Variants in UBR3 observed in about 807,000 individuals in gnomAD.
The protein encoded by UBR3 is E3 ubiquitin-protein ligase UBR3.
Under a neutral mutation model 243.2 loss-of-function variants are expected in UBR3, and 85 were observed. That is an observed-to-expected ratio of 0.35 (90% CI 0.29 to 0.42). UBR3 has a LOEUF of 0.42. Among genes scored for constraint, UBR3 ranks in the 10% least tolerant of loss-of-function variants. The pLI, the probability that UBR3 is intolerant of heterozygous loss-of-function variation, is 1.00. For missense variants in UBR3, 1,686 were observed against 2,300.8 expected, an observed-to-expected ratio of 0.73 and a Z score of 5.47; for synonymous variants, 748 against 799.8, an observed-to-expected ratio of 0.94 and a Z score of 1.09.
rs186183377 is a variant in UBR3, at chr2:169,876,185, G to A, written c.844+236G>A. On this transcript the variant is annotated intron_variant, in intron 3 of 38. Coordinates refer to ENST00000272793, the MANE Select transcript of UBR3 (RefSeq NM_172070.4). The stretch of plus-strand genomic sequence containing the variant: ...TGCAAGCTCCGCCTCCTGGGTTCAC[G>A]CCATTCTGCCTCAGCCTCCCGAGTA... Among the ~76,000 whole-genome samples, 607 of 150,296 alleles carry A rather than the reference G, an allele frequency of 4.0e-3. 3 individuals are homozygous for A. Among genetic ancestry groups the A allele is most frequent in the African/African-American group, 0.014 (566 of 40,944 alleles).
At chr2:170,075,913 GAAA>G (rs35290980) in intron 36 of UBR3, among the ~76,000 whole-genome samples, 1 of 137,362 alleles carries the variant, frequency 7.3e-6, no homozygotes, top group Non-Finnish European at 1.6e-5. Flanking sequence ...AACTATGACA[GAAA>G]AAAAAAAAAA....
At chr2:169,876,102 G>A (rs1036640411) in intron 3 of UBR3, among the ~76,000 whole-genome samples, 153 bp downstream of exon 3, 1 of 64,726 alleles carries the variant, frequency 1.5e-5, no homozygotes, top group Non-Finnish European at 3.1e-5. Context: ...TTTTTTTTTT[G>A]AGACGGAGTC....
chr2:169,905,078 T>G, intron 8 of UBR3, 36 bp from the exon 9 acceptor site: 2 of 1,419,044 alleles, frequency 1.4e-6, no homozygotes, highest in Non-Finnish European at 1.8e-6. Flanking sequence ...TAAAAAAATC[T>G]TATGAAATTT....
At chr2:169,967,238 C>CT (rs2087856790) in intron 24 of UBR3, among the ~76,000 whole-genome samples, 1 of 131,700 alleles carries the variant, frequency 7.6e-6, no homozygotes, top group Non-Finnish European at 1.7e-5. Flanking sequence ...ATGCCCCCCC[C>CT]ACCCCCCTAC....
chr2:170,012,204 T>C (rs1319170567), intron 29 of UBR3, among the ~76,000 whole-genome samples: 1 of 152,210 alleles, frequency 6.6e-6, no homozygotes, highest in East Asian at 1.9e-4. Context: ...AAAAAATTCT[T>C]TCCTAAAACA....
intron 36 of UBR3, chr2:170,077,844 C>G (rs962054755): frequency 3.2e-6 from 1 of 312,542 alleles, no homozygotes; most frequent in African/African-American, 2.2e-5. Context: ...CCTTGGCCTC[C>G]CAAAGTTCTG....
intron 5 of UBR3, among the ~76,000 whole-genome samples, chr2:169,887,491 G>A (rs915765587): frequency 1.3e-5 from 2 of 152,034 alleles, no homozygotes; most frequent in Non-Finnish European, 2.9e-5. Context: ...CTCTACTTTT[G>A]GGAGTTATTT....
At chr2:170,066,966 A>AAAT (rs6147024) in intron 35 of UBR3, among the ~76,000 whole-genome samples, 3,766 of 102,522 alleles carry the variant, frequency 0.037, 165 homozygotes, top group African/African-American at 0.095. Context: ...TCCGTCTCTA[A>AAAT]AATAATAATA....
intron 24 of UBR3, among the ~76,000 whole-genome samples, chr2:169,980,146 A>G (rs1306319637): frequency 6.6e-6 from 1 of 152,232 alleles, no homozygotes; most frequent in Non-Finnish European, 1.5e-5. Flanking sequence ...CTATACGTAT[A>G]TACTGAGGTT....
chr2:169,936,376 A>T (rs891136917), intron 19 of UBR3, among the ~76,000 whole-genome samples: 1 of 152,094 alleles, frequency 6.6e-6, no homozygotes, highest in Non-Finnish European at 1.5e-5. Flanking sequence ...CAATTTTTTT[A>T]AATGCAAAGT....
intron 11 of UBR3, among the ~76,000 whole-genome samples, chr2:169,915,780 G>A (rs1342405929): frequency 2.6e-5 from 4 of 152,042 alleles, no homozygotes; most frequent in Non-Finnish European, 5.9e-5. Context: ...AAAGTATTTT[G>A]TGATCCAGTT....
chr2:169,900,938 C>T (rs2084797759), intron 8 of UBR3, among the ~76,000 whole-genome samples: 1 of 152,060 alleles, frequency 6.6e-6, no homozygotes, highest in Non-Finnish European at 1.5e-5. Context: ...AATACAATTT[C>T]TTTTACACTC....
intron 5 of UBR3, among the ~76,000 whole-genome samples, chr2:169,881,984 T>C (rs1258652952): frequency 8.7e-6 from 1 of 114,638 alleles, no homozygotes; most frequent in Non-Finnish European, 1.8e-5. Flanking sequence ...ATATTATATA[T>C]GTATATGTAT....
At chr2:169,829,321 A>T (rs990366185) in intron 1 of UBR3, among the ~76,000 whole-genome samples, 22 of 152,024 alleles carry the variant, frequency 1.4e-4, no homozygotes, top group African/African-American at 5.1e-4. Context: ...TAGAGGAGGG[A>T]GATGAGGTTT....
chr2:169,944,347 A>G (rs1003084879), intron 20 of UBR3, among the ~76,000 whole-genome samples: 1 of 152,322 alleles, frequency 6.6e-6, no homozygotes, highest in East Asian at 1.9e-4. Context: ...ATAATTAATA[A>G]GTGACAAGTA....
chr2:169,903,792 G>C (rs1055579230), intron 8 of UBR3, among the ~76,000 whole-genome samples: 13 of 152,072 alleles, frequency 8.5e-5, no homozygotes, highest in Non-Finnish European at 1.6e-4. Context: ...AGGCTGAGGT[G>C]GGAAGACTGC....
chr2:169,943,384 C>T (rs34444166), intron 20 of UBR3, among the ~76,000 whole-genome samples: 64,199 of 151,814 alleles, frequency 0.42, 15,142 homozygotes, highest in Non-Finnish European at 0.54. Flanking sequence ...GGGCAGATCA[C>T]GAGGTCAGGA....
chr2:170,048,734 G>T (rs936333859), intron 32 of UBR3, among the ~76,000 whole-genome samples: 1 of 152,118 alleles, frequency 6.6e-6, no homozygotes, highest in Admixed American at 6.5e-5. Flanking sequence ...AAGTGAAAAG[G>T]TGAAAATTCC....
At chr2:169,851,836 C>CAA (rs139828838) in intron 1 of UBR3, among the ~76,000 whole-genome samples, 6,221 of 90,286 alleles carry the variant, frequency 0.069, 303 homozygotes, top group African/African-American at 0.15. Context: ...GGCTCCGTCT[C>CAA]AAAAAAAAAA....
Sources: allele counts gnomAD v4.1 joint callset (sites outside exome capture counted in the v4.1 genomes callset), GRCh38; gene constraint gnomAD v4.1.1; transcripts MANE v1.5; gene names NCBI Gene and HGNC (gene_info 2026-07-23, HGNC 2026-07-21).